The following ROCK2 variants were observed in gnomAD, a reference collection of about 807,000 sequenced individuals.
ROCK2 encodes the protein Rho associated coiled-coil containing protein kinase 2, also known as rho-associated protein kinase 2.
In ROCK2, 61 loss-of-function variants were observed where a neutral mutation model predicts 195.1. The ratio of observed to expected loss-of-function variants is 0.31; its 90% CI spans 0.25 to 0.39. The LOEUF (loss-of-function observed/expected upper bound fraction) is 0.39, where lower values mean the gene tolerates loss of function less well. ROCK2 is among the 10% of genes least tolerant of loss of function. ROCK2 has a pLI of 1.00. For missense variants in ROCK2, 1,109 were observed against 1,637.4 expected, an observed-to-expected ratio of 0.68 and a Z score of 5.57; for synonymous variants, 504 against 545.5, an observed-to-expected ratio of 0.92 and a Z score of 1.06.
At chr2:11,221,096 C>A in intron 9 of ROCK2, 102 bp downstream of exon 9, 3 of 830,966 alleles carry the variant, frequency 3.6e-6, no homozygotes, top group East Asian at 3.0e-5. Context: ...TTGGAAAAAA[C>A]AAATTAATAC....
chr2:11,212,418 T>G (rs1052772396), intron 17 of ROCK2, among the ~76,000 whole-genome samples: 4 of 152,156 alleles, frequency 2.6e-5, no homozygotes, highest in African/African-American at 9.7e-5. Flanking sequence ...ATTCTCAATA[T>G]CAAATTCTAA....
chr2:11,257,567 G>A (rs1281879873), intron 3 of ROCK2, among the ~76,000 whole-genome samples: 1 of 151,346 alleles, frequency 6.6e-6, no homozygotes, highest in Non-Finnish European at 1.5e-5. Context: ...CTTTGGAAGA[G>A]GTGAGTTTTA....
intron 3 of ROCK2, among the ~76,000 whole-genome samples, chr2:11,257,230 A>G (rs1468129327): frequency 2.7e-5 from 4 of 150,790 alleles, no homozygotes; most frequent in Non-Finnish European, 5.9e-5. Context: ...GACAGCGATC[A>G]AAAGGCCGAA....
chr2:11,214,299 T>G (rs550911897), intron 17 of ROCK2, 58 bp downstream of exon 17: 1 of 966,590 alleles, frequency 1.0e-6, no homozygotes, highest in South Asian at 1.5e-5. Flanking sequence ...AGAATAACTT[T>G]TCTAACCTGA....
rs575370037 is a variant in ROCK2, at chr2:11,214,070, A to T, written c.2043+287T>A. Among the ~76,000 whole-genome samples, 6 of 152,332 alleles carry T rather than the reference A, an allele frequency of 3.9e-5. No individual in the cohort carries two copies. The South Asian group carries it at 1.2e-3, about 32-fold the overall frequency. On this transcript the variant is annotated intron_variant, in intron 17 of 32. Transcript: ENST00000315872. ...ATATATGGCATTTTTAAGACATGTT[A>T]TGAGTCGAAATTTGAGTTTTCCTTG...
chr2:11,185,702 C>G (rs939829192), intron 32 of ROCK2, among the ~76,000 whole-genome samples: 1 of 152,018 alleles, frequency 6.6e-6, no homozygotes, highest in African/African-American at 2.4e-5. Flanking sequence ...GCACTCCAGC[C>G]TGGGGAACAA....
chr2:11,334,174 T>C (rs1302997665), intron 1 of ROCK2, among the ~76,000 whole-genome samples: 1 of 152,194 alleles, frequency 6.6e-6, no homozygotes, highest in Non-Finnish European at 1.5e-5. Context: ...TTTTAATTAA[T>C]GACTCTTCAA....
intron 7 of ROCK2, 32 bp downstream of exon 7, chr2:11,224,290 G>A (rs566973549): frequency 2.6e-6 from 4 of 1,560,820 alleles, no homozygotes; most frequent in Admixed American, 2.0e-5. Context: ...AACATAAAGG[G>A]CTTCTCTACA....
chr2:11,332,975 G>A (rs1668815650), intron 1 of ROCK2, among the ~76,000 whole-genome samples: 1 of 152,168 alleles, frequency 6.6e-6, no homozygotes, highest in Non-Finnish European at 1.5e-5. Context: ...CAAACTTATA[G>A]AGACAGAAAG....
At chr2:11,317,576 T>TTATATATCTATATATCTATA (rs1668237737) in intron 1 of ROCK2, among the ~76,000 whole-genome samples, 1 of 29,584 alleles carries the variant, frequency 3.4e-5, no homozygotes, top group African/African-American at 1.6e-4. Context: ...ATCTACACAT[T>TTATATATCTATATATCTATA]TATATATATA....
chr2:11,185,678 G>A (rs1298878657), intron 32 of ROCK2, among the ~76,000 whole-genome samples: 5 of 152,142 alleles, frequency 3.3e-5, no homozygotes, highest in Admixed American at 2.6e-4. Context: ...GTAGTGAGCC[G>A]AGATCGTGCC....
At position 11,344,100 on chromosome 2, in the gene ROCK2, C is replaced by G. The variant is rs971557331; in HGVS notation, c.37G>C (p.Ala13Pro). 6.6e-7 allele frequency: 1 copy of G among 1,515,012 alleles called. No individual in the cohort carries two copies. The highest frequency in any genetic ancestry group is 8.8e-7 in the Non-Finnish European group (1 of 1,138,834). 93.8% of individuals were successfully genotyped at this position (1,515,012 alleles called of 1,614,324 possible). Residue 13 changes from alanine (A) to proline (P), a missense_variant, in exon 1 of 33, where the codon GCC becomes CCC. Ala to Pro is a conservative substitution (Grantham distance 27, BLOSUM62 -1). Coordinates refer to ENST00000315872, the MANE Select transcript of ROCK2 (RefSeq NM_004850.5). This position sits in a 1 kb window ranked among gnomAD's most constrained non-coding sequence, Gnocchi z 5.4. ...CCGTCCCCCGGCGCGGTCTCGGGGGCGCCGGGCATTTTCCCCGTCGGCGGG... is the reference window on the plus strand; with the variant it reads ...CCGTCCCCCGGCGCGGTCTCGGGGGGGCCGGGCATTTTCCCCGTCGGCGGG... ...RPPPTGKMPG[A>P]PETAPGDGAG... is the part of the protein sequence containing the mutation.
Position 11,344,384 on chromosome 2 carries a change from G to C in ROCK2, c.-248C>G. The C allele has an allele frequency of 8.8e-7, 1 of 1,136,348 alleles. No homozygotes were observed. Among genetic ancestry groups the C allele is most frequent in the East Asian group, 4.4e-5 (1 of 22,772 alleles). 70.4% of individuals were successfully genotyped at this position (1,136,348 alleles called of 1,614,324 possible). A position where few individuals can be genotyped will look rare whatever the true frequency, so the allele number is the denominator to read the frequency against. ...GCGGCGGGGAACAGACGGCGTCCCCGCCCCTCAGTCAGATTCGCGCCGCCG... is the reference window on the plus strand; with the variant it reads ...GCGGCGGGGAACAGACGGCGTCCCCCCCCCTCAGTCAGATTCGCGCCGCCG... On this transcript the variant is annotated 5_prime_UTR_variant, in exon 1 of 33. Transcript: ENST00000315872. This position sits in a 1 kb window ranked among gnomAD's most constrained non-coding sequence, Gnocchi z 5.4.
chr2:11,344,282 G>A lies in ROCK2; in HGVS notation c.-146C>T, dbSNP rs1214854178. 7.9e-7 allele frequency: 1 copy of A among 1,259,526 alleles called. No individual in the cohort carries two copies. The highest frequency in any genetic ancestry group is 4.3e-5 in the Admixed American group (1 of 23,266). The allele number at this position is 1,259,526 out of a possible 1,614,324, so 78.0% of individuals were successfully genotyped here. A position where few individuals can be genotyped will look rare whatever the true frequency, so the allele number is the denominator to read the frequency against. On this transcript the variant is annotated 5_prime_UTR_variant, in exon 1 of 33. Coordinates refer to ENST00000315872, the MANE Select transcript of ROCK2 (RefSeq NM_004850.5). This position sits in a 1 kb window ranked among gnomAD's most constrained non-coding sequence, Gnocchi z 5.4. ...CTAGCTCCGGCTTCGGGTCTCCAAG[G>A]CGGTCCCCCGCCTGGGGGCTGCTCC...
chr2:11,196,016 A>G (rs890797396), intron 27 of ROCK2, among the ~76,000 whole-genome samples: 2 of 152,210 alleles, frequency 1.3e-5, no homozygotes, highest in Non-Finnish European at 1.5e-5. Context: ...AGTTATTCTA[A>G]TAGTAAAAGT....
In ROCK2 at chr2:11,317,627, T is replaced by TTTTTTTTTTTTTTTTTA. The variant is rs1192587957; in HGVS notation, c.141+26368_141+26369insTAAAAAAAAAAAAAAAA. The stretch of plus-strand genomic sequence containing the variant: ...ATATATATATATTTTTTTTTTTTTT[T>TTTTTTTTTTTTTTTTTA]AATTATACTTTAAGTTCTAGGGTAC... On this transcript the variant is annotated intron_variant, in intron 1 of 32. Coordinates refer to ENST00000315872, the MANE Select transcript of ROCK2 (RefSeq NM_004850.5). 6.4e-4 allele frequency among the ~76,000 whole-genome samples: 20 copies of TTTTTTTTTTTTTTTTTA among 31,426 alleles called. 1 individual carries two copies. Among genetic ancestry groups the TTTTTTTTTTTTTTTTTA allele is most frequent in the Non-Finnish European group, 1.2e-3 (17 of 14,038 alleles). The allele number at this position is 31,426 out of a possible 152,430, so 20.6% of individuals were successfully genotyped here.
rs370168168 is a variant in ROCK2, at chr2:11,276,858, G to T, written c.324+9681C>A. On this transcript the variant is annotated intron_variant, in intron 3 of 32. Transcript: ENST00000315872. ...TAGACGTAACAGGAGGAAGGAATTA[G>T]GATTATTTTGTTATTATAAGGTATT... 2.6e-5 allele frequency among the ~76,000 whole-genome samples: 4 copies of T among 152,196 alleles called. No homozygotes were observed. In the East Asian group the frequency reaches 7.7e-4, roughly 29 times the overall value.
chr2:11,281,597 T>C (rs1221473892), intron 3 of ROCK2, among the ~76,000 whole-genome samples: 1 of 152,162 alleles, frequency 6.6e-6, no homozygotes, highest in Admixed American at 6.6e-5. Flanking sequence ...AAATTCTGTA[T>C]ATGAGCAATA....
chr2:11,286,901 C>T (rs1429245808), intron 2 of ROCK2, among the ~76,000 whole-genome samples: 1 of 152,136 alleles, frequency 6.6e-6, no homozygotes, highest in Non-Finnish European at 1.5e-5. Context: ...GATTCTGTTG[C>T]TTAGCAAGTT....
Sources: gnomAD v4.1 joint callset for allele counts (sites outside exome capture counted in the v4.1 genomes callset) on GRCh38, gnomAD v4.1.1 for gene constraint, Gnocchi (gnomAD v3.1) non-coding constraint, MANE v1.5 for transcripts, NCBI Gene and HGNC (gene_info 2026-07-23, HGNC 2026-07-21) for gene names.